The following CFAP68 variants were observed in gnomAD, a reference collection of about 807,000 sequenced individuals.
CFAP68 encodes the protein cilia and flagella associated protein 68, also known as cilia- and flagella-associated protein 68.
At chr11:111,883,276 A>G in the CFAP68 span, 1 of 1,306,592 alleles carries the variant, frequency 7.7e-7, no homozygotes, top group Non-Finnish European at 1.1e-6. Flanking sequence ...AAGGAACTCA[A>G]ATAAAAGTAA....
chr11:111,882,344 T>A, the CFAP68 span: 1 of 1,589,322 alleles, frequency 6.3e-7, no homozygotes, highest in Non-Finnish European at 8.6e-7. Context: ...TGCAATAAGC[T>A]TTTCTATTCT....
chr11:111,885,804 C>T, the CFAP68 span: 2 of 151,850 alleles, frequency 1.3e-5, no homozygotes, highest in Non-Finnish European at 2.9e-5. Flanking sequence ...ACCTTTGTTA[C>T]TTTAGTTTCG....
chr11:111,882,611 T>C, the CFAP68 span: 1 of 1,540,442 alleles, frequency 6.5e-7, no homozygotes. Context: ...AATCTAACTT[T>C]GTCTTTTTTG....
chr11:111,883,713 A>G, the CFAP68 span: 2 of 1,192,264 alleles, frequency 1.7e-6, no homozygotes, highest in Admixed American at 1.8e-5. Context: ...AGTTACTAAA[A>G]CTCCTTAGTG....
chr11:111,884,723 G>A, the CFAP68 span: 1 of 152,136 alleles, frequency 6.6e-6, no homozygotes, highest in Non-Finnish European at 1.5e-5. Flanking sequence ...TAAAACAAAA[G>A]TAGACAGGCT....
chr11:111,881,245 A>G, the CFAP68 span: 1 of 1,383,536 alleles, frequency 7.2e-7, no homozygotes, highest in Non-Finnish European at 9.3e-7. Context: ...CTCCAGTATG[A>G]GTACCAGGCC....
the CFAP68 span, chr11:111,883,627 A>T: frequency 4.5e-6 from 3 of 662,768 alleles, no homozygotes; most frequent in Non-Finnish European, 7.9e-6. Flanking sequence ...GAATAACTAC[A>T]TGAATGAGTA....
chr11:111,881,178 C>T, the CFAP68 span: 38 of 1,272,464 alleles, frequency 3.0e-5, no homozygotes, highest in Non-Finnish European at 3.7e-5. Context: ...CTGGCTTGGA[C>T]AACTGAGTGG....
At chr11:111,880,675 C>A in the CFAP68 span, 1 of 409,756 alleles carries the variant, frequency 2.4e-6, no homozygotes, top group Non-Finnish European at 4.9e-6. Flanking sequence ...CAACCAGCTG[C>A]CCTCAGGGTT....
the CFAP68 span, chr11:111,881,439 G>C: frequency 7.2e-5 from 111 of 1,534,922 alleles, 1 homozygote; most frequent in South Asian, 1.2e-3. Context: ...CCCAAATCAT[G>C]GCCACTTGCC....
the CFAP68 span, among the ~76,000 whole-genome samples, chr11:111,881,825 T>C: frequency 6.6e-6 from 1 of 152,166 alleles, no homozygotes; most frequent in Non-Finnish European, 1.5e-5. Context: ...ATAGGAGATA[T>C]AATGCAGACT....
the CFAP68 span, chr11:111,882,419 A>C: frequency 1.2e-6 from 2 of 1,614,216 alleles, no homozygotes; most frequent in Non-Finnish European, 1.7e-6. Context: ...CAGCCTTGTT[A>C]ATGCAGATGG....
chr11:111,882,615 T>C, the CFAP68 span: 2 of 1,537,346 alleles, frequency 1.3e-6, no homozygotes, highest in Non-Finnish European at 1.8e-6. Context: ...TAACTTTGTC[T>C]TTTTTGTTTG....
At chr11:111,883,597 A>G in the CFAP68 span, among the ~76,000 whole-genome samples, 8 of 152,092 alleles carry the variant, frequency 5.3e-5, no homozygotes, top group Non-Finnish European at 1.2e-4. Context: ...TATCTCAAAA[A>G]AAAAAAAGAA....
At chr11:111,884,595 T>G in the CFAP68 span, 1 of 152,214 alleles carries the variant, frequency 6.6e-6, no homozygotes, top group Admixed American at 6.5e-5. Context: ...GGCTAGATGC[T>G]TTCTGGGTAT....
the CFAP68 span, chr11:111,885,319 A>G: frequency 6.6e-6 from 1 of 152,216 alleles, no homozygotes; most frequent in Non-Finnish European, 1.5e-5. Flanking sequence ...CTCTACCAAA[A>G]AAAATTTTTT....
the CFAP68 span, chr11:111,884,784 A>T: frequency 6.6e-6 from 1 of 152,364 alleles, no homozygotes; most frequent in East Asian, 1.9e-4. Flanking sequence ...ATTTATGACT[A>T]ATCTTACCTA....
At chr11:111,881,694 A>T in the CFAP68 span, 4 of 1,425,030 alleles carry the variant, frequency 2.8e-6, no homozygotes, top group Non-Finnish European at 3.7e-6. Context: ...TACCAAAAAA[A>T]ATGAAATCAG....
the CFAP68 span, chr11:111,881,489 G>C: frequency 6.5e-7 from 1 of 1,535,960 alleles, no homozygotes. Context: ...TTGGAGAACT[G>C]GGAAAGCCAG....
Sources: allele counts gnomAD v4.1 joint callset (sites outside exome capture counted in the v4.1 genomes callset), GRCh38; gene constraint gnomAD v4.1.1; transcripts MANE v1.5; gene names NCBI Gene and HGNC (gene_info 2026-07-23, HGNC 2026-07-21).